Variants in TMEM181 observed in about 807,000 individuals in gnomAD.
The protein encoded by TMEM181 is transmembrane protein 181.
TMEM181 carries 39 observed loss-of-function variants against 71.9 expected under a neutral mutation model. The observed-to-expected ratio is 0.54, with a 90% CI of 0.42 to 0.71. The LOEUF (loss-of-function observed/expected upper bound fraction) is 0.71, where lower values mean the gene tolerates loss of function less well. Ranked by LOEUF, TMEM181 falls within the 30% of genes least tolerant of loss-of-function variation. TMEM181 has a pLI of 0.00. For synonymous variants in TMEM181, 245 were observed against 228.8 expected (o/e 1.07, Z -0.64); for missense variants, 595 against 583.0 (o/e 1.02, Z -0.21).
intron 1 of TMEM181, among the ~76,000 whole-genome samples, chr6:158,570,497 T>A (rs552623276): frequency 1.6e-4 from 24 of 152,072 alleles, no homozygotes; most frequent in African/African-American, 5.5e-4. Flanking sequence ...CGCCTTGGCC[T>A]CCCAAAGTGC....
In TMEM181 at chr6:158,608,480, C is replaced by T; in HGVS notation, c.804+17C>T. ...CGTGTCCAGGTGAGCCGGAGCCGCCCTCACTGCCGGGGGAGGTTCCAGACT... is the reference window on the plus strand; with the variant it reads ...CGTGTCCAGGTGAGCCGGAGCCGCCTTCACTGCCGGGGGAGGTTCCAGACT... On this transcript the variant is annotated intron_variant, in intron 9 of 16. Coordinates refer to ENST00000684151, the MANE Select transcript of TMEM181 (RefSeq NM_001376852.1). The T allele has an allele frequency of 6.2e-7, 1 of 1,614,174 alleles. No individual in the cohort carries two copies.
At position 158,635,180 on chromosome 6, in the gene TMEM181, TAA is replaced by T. The variant is rs1786889404; in HGVS notation, c.*3296_*3297del. On this transcript the variant is annotated 3_prime_UTR_variant, in exon 17 of 17. Transcript: ENST00000684151. Reference sequence around the variant, plus strand: ...ATAAAACAGAAGAATTTTCTGCTACTAAAAACTGCCTTTTTACAAAATGACTG... The same window carrying T: ...ATAAAACAGAAGAATTTTCTGCTACTAAACTGCCTTTTTACAAAATGACTG... 1 of 152,244 alleles carries T rather than the reference TAA, an allele frequency of 6.6e-6. No individual in the cohort carries two copies. Among genetic ancestry groups the T allele is most frequent in the Non-Finnish European group, 1.5e-5 (1 of 68,040 alleles). 9.4% of individuals were successfully genotyped at this position (152,244 alleles called of 1,614,324 possible). A position where few individuals can be genotyped will look rare whatever the true frequency, so the allele number is the denominator to read the frequency against.
intron 1 of TMEM181, among the ~76,000 whole-genome samples, chr6:158,539,943 G>A (rs1256082664): frequency 6.6e-6 from 1 of 152,170 alleles, no homozygotes; most frequent in East Asian, 1.9e-4. Flanking sequence ...ACTTTATGAA[G>A]AGAGCACTAA....
chr6:158,632,085 C>T lies in TMEM181; in HGVS notation c.*197C>T, dbSNP rs961128077. ...GCCAAATTTATTGTCATGGTGGCTA[C>T]GAGAAGAGGCATTGATAACAAGTTT... On this transcript the variant is annotated 3_prime_UTR_variant, in exon 17 of 17. Coordinates refer to ENST00000684151, the MANE Select transcript of TMEM181 (RefSeq NM_001376852.1). 15 of 562,628 alleles carry T rather than the reference C, an allele frequency of 2.7e-5. No homozygotes were observed. The Admixed American group carries it at 2.8e-4, about 11-fold the overall frequency. 34.9% of individuals were successfully genotyped at this position (562,628 alleles called of 1,614,324 possible).
intron 11 of TMEM181, among the ~76,000 whole-genome samples, chr6:158,624,530 C>T (rs1786158525): frequency 6.6e-6 from 1 of 152,234 alleles, no homozygotes; most frequent in Admixed American, 6.5e-5. Flanking sequence ...ACGGGCCTGC[C>T]CTCCCCATCA....
At chr6:158,589,267 A>G (rs1242654315) in intron 5 of TMEM181, among the ~76,000 whole-genome samples, 4 of 152,210 alleles carry the variant, frequency 2.6e-5, no homozygotes, top group Non-Finnish European at 5.9e-5. Context: ...GTTCATTATT[A>G]TAACAATCGC....
intron 1 of TMEM181, among the ~76,000 whole-genome samples, chr6:158,549,595 T>A (rs917284385): frequency 7.9e-5 from 12 of 152,202 alleles, no homozygotes; most frequent in African/African-American, 2.7e-4. Flanking sequence ...TAATATTTAT[T>A]TGGGAGCAAA....
intron 11 of TMEM181, among the ~76,000 whole-genome samples, chr6:158,624,303 G>A (rs992002465): frequency 2.0e-5 from 3 of 152,212 alleles, no homozygotes; most frequent in Non-Finnish European, 4.4e-5. Context: ...TTTGCTTTAC[G>A]TAAGGTCCCA....
rs12211298 is a variant in TMEM181 at position 158,571,474 on chromosome 6, A to G, written c.9-1946A>G. Among the ~76,000 whole-genome samples the G allele has an allele frequency of 9.3e-5, 11 of 118,068 alleles. 2 individuals carry two copies. The highest frequency in any genetic ancestry group is 1.8e-4 in the Non-Finnish European group (10 of 55,380). The allele number at this position is 118,068 out of a possible 152,430, so 77.5% of individuals were successfully genotyped here. A position where few individuals can be genotyped will look rare whatever the true frequency, so the allele number is the denominator to read the frequency against. ...ACCACGCCTGGCTGCTAATTTTTGT[A>G]TTTTTAGTAGAGACGGGGTTTCATC... is the stretch of plus-strand genomic sequence containing the variant. On this transcript the variant is annotated intron_variant, in intron 1 of 16. Coordinates refer to ENST00000684151, the MANE Select transcript of TMEM181 (RefSeq NM_001376852.1).
chr6:158,580,294 C>T (rs1783400104), intron 2 of TMEM181, among the ~76,000 whole-genome samples: 1 of 152,004 alleles, frequency 6.6e-6, no homozygotes, highest in Non-Finnish European at 1.5e-5. Context: ...TGCGCTATTG[C>T]ACTCCAGCCT....
At chr6:158,607,572 A>C (rs1385971730) in intron 8 of TMEM181, among the ~76,000 whole-genome samples, 3 of 152,142 alleles carry the variant, frequency 2.0e-5, no homozygotes, top group African/African-American at 4.8e-5. Flanking sequence ...TGGGAGGCTG[A>C]GGTGGGTGGA....
intron 10 of TMEM181, chr6:158,609,991 G>A: frequency 4.5e-6 from 1 of 223,212 alleles, no homozygotes; most frequent in Non-Finnish European, 9.6e-6. Context: ...TTCAGCAGGG[G>A]TTCCATGGCC....
At chr6:158,629,452 G>A (rs1454396221) in intron 14 of TMEM181, among the ~76,000 whole-genome samples, 1 of 152,092 alleles carries the variant, frequency 6.6e-6, no homozygotes, top group African/African-American at 2.4e-5. Flanking sequence ...CTCGGTGCTG[G>A]TGACAGGAGC....
intron 6 of TMEM181, among the ~76,000 whole-genome samples, chr6:158,598,306 C>T (rs536656273): frequency 3.9e-5 from 6 of 152,152 alleles, no homozygotes; most frequent in Non-Finnish European, 7.3e-5. Context: ...TTTTTCGGGC[C>T]GAGTTTTGAT....
chr6:158,578,852 T>C (rs1461337860), intron 2 of TMEM181, among the ~76,000 whole-genome samples: 1 of 152,240 alleles, frequency 6.6e-6, no homozygotes, highest in African/African-American at 2.4e-5. Flanking sequence ...AGACTCACTC[T>C]AGATCCAAAG....
intron 2 of TMEM181, among the ~76,000 whole-genome samples, chr6:158,578,458 A>C (rs1182110816): frequency 6.6e-6 from 1 of 152,234 alleles, no homozygotes; most frequent in African/African-American, 2.4e-5. Context: ...TTGTAACTCC[A>C]CATTTTGTTT....
At chr6:158,537,322 G>A (rs1359358469) in intron 1 of TMEM181, among the ~76,000 whole-genome samples, 1 of 152,118 alleles carries the variant, frequency 6.6e-6, no homozygotes, top group Non-Finnish European at 1.5e-5. Flanking sequence ...GCAGCTCTGA[G>A]CGCCCTAGGC....
intron 10 of TMEM181, among the ~76,000 whole-genome samples, chr6:158,615,838 T>G (rs1233880374): frequency 2.0e-5 from 3 of 152,276 alleles, no homozygotes; most frequent in Admixed American, 6.5e-5. Context: ...TGTTCCCTTG[T>G]TCTACATCTC....
chr6:158,571,135 T>G (rs540889433), intron 1 of TMEM181, among the ~76,000 whole-genome samples: 14 of 151,394 alleles, frequency 9.2e-5, no homozygotes, highest in Non-Finnish European at 1.5e-4. Flanking sequence ...CTCGTTCTGT[T>G]GCCCAGGCTG....
Sources: gnomAD v4.1 joint callset for allele counts (sites outside exome capture counted in the v4.1 genomes callset) on GRCh38, gnomAD v4.1.1 for gene constraint, MANE v1.5 for transcripts, NCBI Gene and HGNC (gene_info 2026-07-23, HGNC 2026-07-21) for gene names.